ZDHHC1: variants seen among roughly 807,000 people sequenced by gnomAD.
ZDHHC1 encodes the protein zDHHC palmitoyltransferase 1.
In ZDHHC1, 45 loss-of-function variants were observed where a neutral mutation model predicts 46.9. The observed-to-expected ratio is 0.96, with a 90% confidence interval of 0.76 to 1.23. The LOEUF is 1.23. Among genes scored for constraint, ZDHHC1 ranks in the 50% most tolerant of loss-of-function variants. The pLI is 0.00. For missense variants in ZDHHC1, 649 were observed against 670.8 expected, an observed-to-expected ratio of 0.97 and a Z score of 0.36; for synonymous variants, 291 against 286.0, an observed-to-expected ratio of 1.02 and a Z score of -0.18.
At position 67,401,270 on chromosome 16, in the gene ZDHHC1, T is replaced by G. The variant is rs1054461114; in HGVS notation, c.253-138A>C. 15 of 1,220,024 alleles carry G rather than the reference T, an allele frequency of 1.2e-5. No homozygotes were observed. The highest frequency in any genetic ancestry group is 1.7e-5 in the Non-Finnish European group (15 of 891,038). 75.6% of individuals were successfully genotyped at this position (1,220,024 alleles called of 1,614,324 possible). On this transcript the variant is annotated intron_variant, in intron 3 of 11. Transcript: ENST00000565726. The surrounding 1 kb of genome is among the most constrained non-coding windows in gnomAD (Gnocchi z 4.6). ...TGCCTCTGCCACCTCCTACCTCCAGTCCCCCAAAGCCTCCTCATCAGACCT... is the reference window on the plus strand; with the variant it reads ...TGCCTCTGCCACCTCCTACCTCCAGGCCCCCAAAGCCTCCTCATCAGACCT...
Position 67,398,847 on chromosome 16 carries a change from G to A in ZDHHC1, c.628C>T (p.Arg210Cys), listed in dbSNP as rs755142654. ...VFVEFFVNPM[R>C]LRTNRHFEVL... ...TCAAAGTGTCGGTTGGTGCGCAGAC[G>A]CATGGGGTTGACAAAGAACTCCACG... Residue 210 changes from arginine (R) to cysteine (C), a missense_variant, in exon 6 of 12, where the codon CGT (arginine) becomes TGT (cysteine). Physicochemically the swap from Arg to Cys is radical, Grantham distance 180 (BLOSUM62 -3). Transcript: ENST00000565726. 18 of 1,612,592 alleles carry A rather than the reference G, an allele frequency of 1.1e-5. No homozygotes were observed. The East Asian group carries it at 1.6e-4, about 14-fold the overall frequency.
chr16:67,402,427 G>C (rs571110332), intron 3 of ZDHHC1, among the ~76,000 whole-genome samples: 1 of 152,062 alleles, frequency 6.6e-6, no homozygotes, highest in Non-Finnish European at 1.5e-5. Flanking sequence ...CAGCTACTGT[G>C]CTCACCATGC....
At chr16:67,407,593 G>C (rs1567521583) in intron 2 of ZDHHC1, among the ~76,000 whole-genome samples, 174 bp downstream of exon 2, 1 of 152,210 alleles carries the variant, frequency 6.6e-6, no homozygotes, top group Non-Finnish European at 1.5e-5. Flanking sequence ...CCCTGAGTCA[G>C]GGGGCCCTTA....
At chr16:67,415,821 C>T (rs754381750) in intron 1 of ZDHHC1, among the ~76,000 whole-genome samples, 2 of 152,148 alleles carry the variant, frequency 1.3e-5, no homozygotes, top group Non-Finnish European at 2.9e-5. Flanking sequence ...CATGACCAAC[C>T]CCTCCATTTC....
At position 67,416,387 on chromosome 16, in the gene ZDHHC1, C is replaced by CTCCGGCTCCGGCTCCGGA; in HGVS notation, c.-256_-255insTCCGGAGCCGGAGCCGGA. On this transcript the variant is annotated 5_prime_UTR_variant, in exon 1 of 12. Transcript: ENST00000565726. ...CCTCGAGCTCTGGCTCTGGCTCCGG[C>CTCCGGCTCCGGCTCCGGA]TCCGGCTCCGGCTCCGGCTCCGGCT... 1 of 168,676 alleles carries CTCCGGCTCCGGCTCCGGA rather than the reference C, an allele frequency of 5.9e-6. No homozygotes were observed. The highest frequency in any genetic ancestry group is 1.0e-5 in the Non-Finnish European group (1 of 96,618). 10.4% of individuals were successfully genotyped at this position (168,676 alleles called of 1,614,324 possible).
At chr16:67,408,104 T>C (rs1475088920) in intron 1 of ZDHHC1, among the ~76,000 whole-genome samples, 2 of 152,128 alleles carry the variant, frequency 1.3e-5, no homozygotes, top group Non-Finnish European at 2.9e-5. Flanking sequence ...ATCTCAAAGC[T>C]AAATGGAGGA....
chr16:67,412,462 G>C (rs2040762812), intron 1 of ZDHHC1, among the ~76,000 whole-genome samples: 1 of 139,870 alleles, frequency 7.1e-6, no homozygotes, highest in East Asian at 1.9e-4. Flanking sequence ...GCCAGACAAA[G>C]AATTCCTGCC....
rs768013359 is a variant in ZDHHC1, at chr16:67,406,362, G to C, written c.90C>G (p.Pro30=). 1.9e-6 allele frequency: 3 copies of C among 1,584,140 alleles called. No homozygotes were observed. The highest frequency in any genetic ancestry group is 1.7e-4 in the Middle Eastern group (1 of 6,022). ...VWTAPAQPSG[P]SPELQGQRSR... is the part of the protein sequence containing the mutation. Reference sequence around the variant, plus strand: ...ATCGCTGGCCCTGCAGCTCAGGGGAGGGTCCGCTGGGCTGTGCCGGTGCCG... The same window carrying C: ...ATCGCTGGCCCTGCAGCTCAGGGGACGGTCCGCTGGGCTGTGCCGGTGCCG... The change falls in exon 3 of 12, where the codon CCC becomes CCG. Residue 30 remains proline, a synonymous_variant. Coordinates refer to ENST00000565726, the MANE Select transcript of ZDHHC1 (RefSeq NM_001323627.2). The surrounding 1 kb of genome is among the most constrained non-coding windows in gnomAD (Gnocchi z 4.1).
intron 4 of ZDHHC1, among the ~76,000 whole-genome samples, chr16:67,400,065 A>C (rs1483403242): frequency 6.6e-6 from 1 of 152,224 alleles, no homozygotes; most frequent in Non-Finnish European, 1.5e-5. Context: ...CCAAAGGCAC[A>C]ACCCCTCCCC....
At chr16:67,398,029 G>C (rs1010889849) in intron 8 of ZDHHC1, among the ~76,000 whole-genome samples, 183 bp downstream of exon 8, 1 of 152,172 alleles carries the variant, frequency 6.6e-6, no homozygotes, top group Admixed American at 6.5e-5. Flanking sequence ...GGGAAACACA[G>C]GGCTCCCTCT....
chr16:67,413,345 GA>G (rs2040781080), intron 1 of ZDHHC1, among the ~76,000 whole-genome samples: 1 of 152,102 alleles, frequency 6.6e-6, no homozygotes, highest in African/African-American at 2.4e-5. Context: ...ATGCCCAGTT[GA>G]ACTACCTAAA....
chr16:67,415,928 A>G (rs7206718), intron 1 of ZDHHC1, among the ~76,000 whole-genome samples: 83,123 of 152,078 alleles, frequency 0.55, 26,310 homozygotes, highest in African/African-American at 0.88. Flanking sequence ...CTGGAGACAG[A>G]CCACGTCTGT....
Position 67,394,893 on chromosome 16 carries a change from C to A in ZDHHC1, c.1166G>T (p.Gly389Val). Residue 389 changes from glycine (G) to valine (V), a missense_variant and splice_region_variant, in exon 12 of 12, where the codon GGG becomes GTG. By Grantham distance (109) the Gly-to-Val change is moderately radical. Transcript: ENST00000565726. ...GGAGCGGCGGCTGGGGGCCCTAGGC[C>A]CTGCGCAAGGGAAGGGAACATGAGC... ...RTSETSDPAS[G>V]PRAPSRRSSS... is the part of the protein sequence containing the mutation. The A allele has an allele frequency of 6.4e-7, 1 of 1,562,820 alleles. No individual in the cohort carries two copies. Among genetic ancestry groups the A allele is most frequent in the Non-Finnish European group, 8.6e-7 (1 of 1,156,424 alleles).
intron 1 of ZDHHC1, among the ~76,000 whole-genome samples, chr16:67,409,155 G>T (rs1042714165): frequency 3.3e-5 from 5 of 152,258 alleles, no homozygotes; most frequent in African/African-American, 1.2e-4. Flanking sequence ...GAGGCAGGAG[G>T]AGTCACCATC....
chr16:67,415,653 A>C (rs1205257859), intron 1 of ZDHHC1, among the ~76,000 whole-genome samples: 1 of 151,646 alleles, frequency 6.6e-6, no homozygotes, highest in African/African-American at 2.4e-5. Flanking sequence ...GCTACTCCAG[A>C]GGCTGAGGCA....
chr16:67,405,609 G>A (rs1307278531), intron 3 of ZDHHC1, among the ~76,000 whole-genome samples: 4 of 152,300 alleles, frequency 2.6e-5, no homozygotes, highest in East Asian at 1.9e-4. Context: ...GGGCTCAGGC[G>A]AGTCTCGGTT....
At chr16:67,396,856 G>A (rs527764067) in intron 8 of ZDHHC1, among the ~76,000 whole-genome samples, 3 of 152,336 alleles carry the variant, frequency 2.0e-5, no homozygotes, top group Non-Finnish European at 4.4e-5. Flanking sequence ...GGGGAGCAGA[G>A]GAGGGGCCAG....
At chr16:67,396,364 CG>C (rs2040431786) in intron 8 of ZDHHC1, 1 of 152,220 alleles carries the variant, frequency 6.6e-6, no homozygotes, top group Admixed American at 6.5e-5. Context: ...GAGATGGGGG[CG>C]GGTCCCGGGC....
Position 67,408,061 on chromosome 16 carries a change from A to G in ZDHHC1, c.-38-248T>C, listed in dbSNP as rs79791149. The stretch of plus-strand genomic sequence containing the variant: ...CTCAGAGCCTCCTGCAGGCCAAGCC[A>G]AGCATTATTTGAAGTGACCTCTGAG... On this transcript the variant is annotated intron_variant, in intron 1 of 11. Transcript: ENST00000565726. Among the ~76,000 whole-genome samples the G allele has an allele frequency of 6.1e-3, 934 of 152,306 alleles. 7 individuals carry two copies. The highest frequency in any genetic ancestry group is 0.021 in the African/African-American group (872 of 41,576).
Sources: allele counts gnomAD v4.1 joint callset (sites outside exome capture counted in the v4.1 genomes callset), GRCh38; gene constraint gnomAD v4.1.1; non-coding constraint Gnocchi (gnomAD v3.1); transcripts MANE v1.5; gene names NCBI Gene and HGNC (gene_info 2026-07-23, HGNC 2026-07-21).